CALML4: variants seen among roughly 807,000 people sequenced by gnomAD.
The protein encoded by CALML4 is calmodulin-like protein 4.
A neutral mutation model predicts 17.9 loss-of-function variants in CALML4; 16 were observed. That is an observed-to-expected ratio of 0.89 (90% confidence interval 0.61 to 1.36). The LOEUF is 1.36. Ranked by LOEUF, CALML4 falls within the 40% of genes most tolerant of loss-of-function variation. CALML4 has a pLI of 0.00. For missense variants in CALML4, 203 were observed against 194.8 expected (o/e 1.04, Z -0.25); for synonymous variants, 86 against 71.5 (o/e 1.20, Z -1.02).
rs1388352190 is a variant in CALML4, at chr15:68,190,921, T to G, written c.*3094A>C. On this transcript the variant is annotated 3_prime_UTR_variant, in exon 5 of 5. Transcript: ENST00000467889. This position sits in a 1 kb window ranked among gnomAD's most constrained non-coding sequence, Gnocchi z 4.7. The stretch of plus-strand genomic sequence containing the variant: ...TCGGATTCTTTGGCAGATTTTCCTT[T>G]GAGTCAAGTGTCTGAAATGGAGTGA... 2 of 152,216 alleles carry G rather than the reference T, an allele frequency of 1.3e-5. No homozygotes were observed. The highest frequency in any genetic ancestry group is 4.8e-5 in the African/African-American group (2 of 41,462). The allele number at this position is 152,216 out of a possible 1,614,324, so 9.4% of individuals were successfully genotyped here. A position where few individuals can be genotyped will look rare whatever the true frequency, so the allele number is the denominator to read the frequency against.
In CALML4 at chr15:68,197,404, C is replaced by G. The variant is rs776725963; in HGVS notation, c.364+36G>C. The G allele has an allele frequency of 2.7e-5, 44 of 1,600,082 alleles. No individual in the cohort carries two copies. The South Asian group carries it at 3.4e-4, about 12-fold the overall frequency. ...TGCCCTCCTTCCAACTCCCTAACCC[C>G]CTCCAACTGTTGGGAGACAGGACCC... On this transcript the variant is annotated intron_variant, in intron 4 of 4. Coordinates refer to ENST00000467889, the MANE Select transcript of CALML4 (RefSeq NM_033429.3). This position sits in a 1 kb window ranked among gnomAD's most constrained non-coding sequence, Gnocchi z 4.1.
chr15:68,197,320 C>T lies in CALML4; in HGVS notation c.364+120G>A, dbSNP rs761954635. On this transcript the variant is annotated intron_variant, in intron 4 of 4. Coordinates refer to ENST00000467889, the MANE Select transcript of CALML4 (RefSeq NM_033429.3). The surrounding 1 kb of genome is among the most constrained non-coding windows in gnomAD (Gnocchi z 4.1). ...TAGTGTGGCATCTGCTCACAGTCTC[C>T]TGCGCGCGCATCAACAGAGGTGGTC... 2.5e-5 allele frequency: 22 copies of T among 893,212 alleles called. No homozygotes were observed. The highest frequency in any genetic ancestry group is 3.5e-5 in the Non-Finnish European group (20 of 579,486). 55.3% of individuals were successfully genotyped at this position (893,212 alleles called of 1,614,324 possible). A position where few individuals can be genotyped will look rare whatever the true frequency, so the allele number is the denominator to read the frequency against.
At chr15:68,203,622 CAT>C (rs1320022372) in intron 2 of CALML4, among the ~76,000 whole-genome samples, 4 of 152,222 alleles carry the variant, frequency 2.6e-5, no homozygotes, top group African/African-American at 7.2e-5. Flanking sequence ...CCCCAGCCCA[CAT>C]GTGGGTGACA....
chr15:68,199,939 GTATT>G (rs1033831884), intron 2 of CALML4: 3 of 300,156 alleles, frequency 1.0e-5, no homozygotes, highest in African/African-American at 6.5e-5. Flanking sequence ...TATTGGAAAA[GTATT>G]TGTTGTTTGT....
intron 2 of CALML4, among the ~76,000 whole-genome samples, chr15:68,202,257 A>G (rs528413361): frequency 6.6e-6 from 1 of 152,216 alleles, no homozygotes; most frequent in Non-Finnish European, 1.5e-5. Context: ...AACATAAAGG[A>G]TGTGTAGCAC....
upstream of CALML4, chr15:68,205,405 A>G: frequency 6.2e-7 from 1 of 1,612,890 alleles, no homozygotes; most frequent in South Asian, 1.1e-5. This position sits in a 1 kb window ranked among gnomAD's most constrained non-coding sequence, Gnocchi z 4.8. Context: ...CACCAGGGTC[A>G]GATTCCAGCT....
chr15:68,199,139 C>T (rs189287474), intron 3 of CALML4, among the ~76,000 whole-genome samples: 4 of 151,640 alleles, frequency 2.6e-5, no homozygotes, highest in African/African-American at 7.3e-5. Context: ...GTCAGCTTCT[C>T]GGTGACAGAG....
chr15:68,199,564 C>A lies in CALML4; in HGVS notation c.152G>T (p.Arg51Leu). The A allele has an allele frequency of 6.2e-7, 1 of 1,613,676 alleles. No homozygotes were observed. The highest frequency in any genetic ancestry group is 2.2e-5 in the East Asian group (1 of 44,810). The change falls in exon 3 of 5, where the codon CGG becomes CTG. Residue 51 changes from arginine (R) to leucine (L), a missense_variant. Transcript: ENST00000467889. ...GASPTPGEVQ[R>L]HLQTHGIDGN... ...ACCTATCCCGTGGGTCTGCAGGTGC[C>A]GCTGCACCTCCCCTGGCGTCGGGCT... is the stretch of plus-strand genomic sequence containing the variant.
In CALML4 at chr15:68,194,107, C is replaced by G. The variant is rs779709317; in HGVS notation, c.370G>C (p.Asp124His). 1 of 1,609,428 alleles carries G rather than the reference C, an allele frequency of 6.2e-7. No individual in the cohort carries two copies. Among genetic ancestry groups the G allele is most frequent in the Admixed American group, 1.7e-5 (1 of 59,834 alleles). ...TCGATATCTGCTTCCCTGAAGAGAT[C>G]ATCCACTGCAATAAATCACATTTAA... ...GEKLTHKEVD[D>H]LFREADIEPN... The change falls in exon 5 of 5, where the codon GAT becomes CAT. Residue 124 changes from aspartate (D) to histidine (H), a missense_variant. Transcript: ENST00000467889.
chr15:68,205,491 TGG>T, upstream of CALML4: 3 of 1,319,088 alleles, frequency 2.3e-6, no homozygotes, highest in Non-Finnish European at 3.1e-6. The surrounding 1 kb of genome is among the most constrained non-coding windows in gnomAD (Gnocchi z 4.8). Context: ...AGGCTCTCCC[TGG>T]GCTCAGAGTC....
intron 3 of CALML4, among the ~76,000 whole-genome samples, chr15:68,198,941 C>T (rs2093155668): frequency 6.6e-6 from 1 of 152,166 alleles, no homozygotes; most frequent in Non-Finnish European, 1.5e-5. Context: ...GCAGGCAGAT[C>T]ACCTGAGGTC....
chr15:68,205,050 T>C lies in CALML4; in HGVS notation c.34+71A>G, dbSNP rs768243402. The C allele has an allele frequency of 6.4e-7, 1 of 1,561,200 alleles. No individual in the cohort carries two copies. Among genetic ancestry groups the C allele is most frequent in the Non-Finnish European group, 8.8e-7 (1 of 1,133,278 alleles). ...CACCTTCCTTCCCACCAAGAAAACA[T>C]GAGCAGAGCAAATTGCCTAATGAGA... On this transcript the variant is annotated intron_variant, in intron 2 of 4. Coordinates refer to ENST00000467889, the MANE Select transcript of CALML4 (RefSeq NM_033429.3). This position sits in a 1 kb window ranked among gnomAD's most constrained non-coding sequence, Gnocchi z 4.8.
rs1336891101 is a variant in CALML4, at chr15:68,200,469, C to T, written c.35-788G>A. On this transcript the variant is annotated intron_variant, in intron 2 of 4. Coordinates refer to ENST00000467889, the MANE Select transcript of CALML4 (RefSeq NM_033429.3). This position sits in a 1 kb window ranked among gnomAD's most constrained non-coding sequence, Gnocchi z 4.3. ...CAGCCGGAGCTAGCTCCCCTAAACC[C>T]ACAGACTCCCGGCCTGACACAGCCA... Among the ~76,000 whole-genome samples, 1 of 152,156 alleles carries T rather than the reference C, an allele frequency of 6.6e-6. No individual in the cohort carries two copies. The highest frequency in any genetic ancestry group is 2.4e-5 in the African/African-American group (1 of 41,456).
Position 68,197,869 on chromosome 15 carries a change from C to G in CALML4, c.176-241G>C. 2 of 487,818 alleles carry G rather than the reference C, an allele frequency of 4.1e-6. No homozygotes were observed. The highest frequency in any genetic ancestry group is 7.4e-6 in the Non-Finnish European group (2 of 271,466). The allele number at this position is 487,818 out of a possible 1,614,324, so 30.2% of individuals were successfully genotyped here. Reference sequence around the variant, plus strand: ...CCTCAGTGACGATGCTTATCATCACCCCAAAGCTCAAGAAAGTGGGTTCCC... The same window carrying G: ...CCTCAGTGACGATGCTTATCATCACGCCAAAGCTCAAGAAAGTGGGTTCCC... On this transcript the variant is annotated intron_variant, in intron 3 of 4. Transcript: ENST00000467889. This position sits in a 1 kb window ranked among gnomAD's most constrained non-coding sequence, Gnocchi z 4.1.
rs1368643665 is a variant in CALML4, at chr15:68,192,520, C to G, written c.*1495G>C. ...TTTGGGCCATTTATTTACCCTCACC[C>G]CACAAAACTCTTTGGCTCCTAGGAA... is the stretch of plus-strand genomic sequence containing the variant. On this transcript the variant is annotated 3_prime_UTR_variant, in exon 5 of 5. Transcript: ENST00000467889. 6.6e-6 allele frequency: 1 copy of G among 152,188 alleles called. No individual in the cohort carries two copies. Among genetic ancestry groups the G allele is most frequent in the East Asian group, 1.9e-4 (1 of 5,198 alleles). The allele number at this position is 152,188 out of a possible 1,614,324, so 9.4% of individuals were successfully genotyped here.
chr15:68,193,151 G>C lies in CALML4; in HGVS notation c.*864C>G, dbSNP rs1489142807. ...AGGCAATGACCAGTGTGGGCCACTT[G>C]AGCAGACCATCCCGGAACCTCTCTG... On this transcript the variant is annotated 3_prime_UTR_variant, in exon 5 of 5. Transcript: ENST00000467889. 1 of 152,376 alleles carries C rather than the reference G, an allele frequency of 6.6e-6. No homozygotes were observed. The highest frequency in any genetic ancestry group is 1.5e-5 in the Non-Finnish European group (1 of 68,166). 9.4% of individuals were successfully genotyped at this position (152,376 alleles called of 1,614,324 possible). A position where few individuals can be genotyped will look rare whatever the true frequency, so the allele number is the denominator to read the frequency against.
At chr15:68,194,766 T>G (rs1463202404) in intron 4 of CALML4, among the ~76,000 whole-genome samples, 2 of 152,070 alleles carry the variant, frequency 1.3e-5, no homozygotes, top group African/African-American at 4.8e-5. Flanking sequence ...CTGGAGTTTT[T>G]ACCTTCCGCA....
At position 68,191,801 on chromosome 15, in the gene CALML4, AGTAAG is replaced by A. The variant is rs1247647715; in HGVS notation, c.*2209_*2213del. 6.6e-6 allele frequency: 1 copy of A among 152,212 alleles called. No individual in the cohort carries two copies. The highest frequency in any genetic ancestry group is 1.5e-5 in the Non-Finnish European group (1 of 68,050). 9.4% of individuals were successfully genotyped at this position (152,212 alleles called of 1,614,324 possible). ...GAATGAGCTTGAAACCAGGACCAGG[AGTAAG>A]GTAACAGCCCTTCCTCGGGTAGAGG... On this transcript the variant is annotated 3_prime_UTR_variant, in exon 5 of 5. Transcript: ENST00000467889.
In CALML4 at chr15:68,190,900, A is replaced by G. The variant is rs1270016038; in HGVS notation, c.*3115T>C. ...ATTCACGTAAGCTCTGAAAAATCGGATTCTTTGGCAGATTTTCCTTTGAGT... is the reference window on the plus strand; with the variant it reads ...ATTCACGTAAGCTCTGAAAAATCGGGTTCTTTGGCAGATTTTCCTTTGAGT... On this transcript the variant is annotated 3_prime_UTR_variant, in exon 5 of 5. Transcript: ENST00000467889. The surrounding 1 kb of genome is among the most constrained non-coding windows in gnomAD (Gnocchi z 4.7). 1 of 152,182 alleles carries G rather than the reference A, an allele frequency of 6.6e-6. No individual in the cohort carries two copies. Among genetic ancestry groups the G allele is most frequent in the Non-Finnish European group, 1.5e-5 (1 of 68,014 alleles). 9.4% of individuals were successfully genotyped at this position (152,182 alleles called of 1,614,324 possible). A position where few individuals can be genotyped will look rare whatever the true frequency, so the allele number is the denominator to read the frequency against.
Sources: allele counts gnomAD v4.1 joint callset (sites outside exome capture counted in the v4.1 genomes callset), GRCh38; gene constraint gnomAD v4.1.1; non-coding constraint Gnocchi (gnomAD v3.1); transcripts MANE v1.5; gene names NCBI Gene and HGNC (gene_info 2026-07-23, HGNC 2026-07-21).